The following SGCZ variants were observed in gnomAD, a reference collection of about 807,000 sequenced individuals.
The protein encoded by SGCZ is zeta-sarcoglycan.
SGCZ carries 40 observed loss-of-function variants against 41.3 expected under a neutral mutation model. That is an observed-to-expected ratio of 0.97 (90% confidence interval 0.75 to 1.26). The LOEUF (loss-of-function observed/expected upper bound fraction) is 1.26, where lower values mean the gene tolerates loss of function less well. Ranked by LOEUF, SGCZ falls within the 50% of genes most tolerant of loss-of-function variation. The pLI is 0.00. For missense variants in SGCZ, 552 were observed against 369.8 expected (o/e 1.49, Z -4.04); for synonymous variants, 206 against 137.5 (o/e 1.50, Z -3.49).
At chr8:15,003,795 A>G (rs1016750326) in intron 1 of SGCZ, among the ~76,000 whole-genome samples, 14 of 152,172 alleles carry the variant, frequency 9.2e-5, no homozygotes, top group Non-Finnish European at 1.6e-4. Flanking sequence ...CTTCATGCCC[A>G]GGCCCAGTGA....
chr8:14,953,791 T>C (rs144356734), intron 1 of SGCZ, among the ~76,000 whole-genome samples: 1 of 152,308 alleles, frequency 6.6e-6, no homozygotes, highest in African/African-American at 2.4e-5. Flanking sequence ...CAATAGTACT[T>C]GATACAAAAT....
At chr8:14,932,491 G>C (rs1022825170) in intron 1 of SGCZ, among the ~76,000 whole-genome samples, 2 of 152,044 alleles carry the variant, frequency 1.3e-5, no homozygotes, top group South Asian at 4.1e-4. Context: ...AAAGAATTTG[G>C]TACTTCAAAT....
At position 14,433,383 on chromosome 8, in the gene SGCZ, C is replaced by A. The variant is rs1167553293; in HGVS notation, c.235-109179G>T. Among the ~76,000 whole-genome samples the A allele has an allele frequency of 3.3e-5, 5 of 152,266 alleles. No homozygotes were observed. The East Asian group carries it at 7.7e-4, about 24-fold the overall frequency. On this transcript the variant is annotated intron_variant, in intron 2 of 7. Transcript: ENST00000382080. Reference sequence around the variant, plus strand: ...AAGATACTTTGCCTTTCAGTAGGAACCACCACAATGAATTGTTTATTGCAA... The same window carrying A: ...AAGATACTTTGCCTTTCAGTAGGAAACACCACAATGAATTGTTTATTGCAA...
intron 1 of SGCZ, among the ~76,000 whole-genome samples, chr8:15,139,036 T>C (rs1426798281): frequency 6.6e-6 from 1 of 152,222 alleles, no homozygotes; most frequent in Non-Finnish European, 1.5e-5. Flanking sequence ...AGTTAAGTAC[T>C]TTGGTCTTTA....
chr8:14,443,352 AG>A (rs1475865255), intron 2 of SGCZ, among the ~76,000 whole-genome samples: 2 of 152,320 alleles, frequency 1.3e-5, no homozygotes, highest in East Asian at 3.9e-4. Context: ...CGCATCGCCA[AG>A]TCAATCCTAA....
intron 1 of SGCZ, among the ~76,000 whole-genome samples, chr8:14,880,547 G>C (rs150786732): frequency 0.049 from 7,523 of 152,168 alleles, 223 homozygotes; most frequent in Non-Finnish European, 0.061. Context: ...AGACTTGGAA[G>C]CAACCCAAAT....
chr8:14,478,536 G>C (rs1376104780), intron 2 of SGCZ, among the ~76,000 whole-genome samples: 1 of 152,198 alleles, frequency 6.6e-6, no homozygotes, highest in Non-Finnish European at 1.5e-5. Context: ...ATGGGGGACA[G>C]AGGGATGAGT....
chr8:14,472,666 C>T (rs1355577973), intron 2 of SGCZ, among the ~76,000 whole-genome samples: 1 of 152,038 alleles, frequency 6.6e-6, no homozygotes, highest in African/African-American at 2.4e-5. Context: ...TCTCAAAAGG[C>T]AACATGTATT....
intron 1 of SGCZ, among the ~76,000 whole-genome samples, chr8:14,664,482 A>C (rs1807845379): frequency 6.6e-6 from 1 of 152,200 alleles, no homozygotes; most frequent in African/African-American, 2.4e-5. Flanking sequence ...CAGAGTATAT[A>C]GGAATAGAAA....
chr8:14,804,065 G>A (rs28783462), intron 1 of SGCZ, among the ~76,000 whole-genome samples: 5,833 of 110,742 alleles, frequency 0.053, 274 homozygotes, highest in East Asian at 0.15. Context: ...CATCCACACC[G>A]AAAACCCATC....
At chr8:14,602,547 T>C (rs1476982701) in intron 1 of SGCZ, among the ~76,000 whole-genome samples, 1 of 152,124 alleles carries the variant, frequency 6.6e-6, no homozygotes, top group Non-Finnish European at 1.5e-5. Context: ...ATTAATTAAA[T>C]TAATTTTAAA....
chr8:14,587,949 T>C (rs1454027518), intron 1 of SGCZ, among the ~76,000 whole-genome samples: 1 of 152,158 alleles, frequency 6.6e-6, no homozygotes, highest in Non-Finnish European at 1.5e-5. Flanking sequence ...TTTTATAGAA[T>C]ACTTCATGGG....
chr8:15,214,691 T>A (rs1427181323), intron 1 of SGCZ, among the ~76,000 whole-genome samples: 1 of 152,166 alleles, frequency 6.6e-6, no homozygotes, highest in African/African-American at 2.4e-5. Flanking sequence ...GGGAGGCATA[T>A]TCCTCACAGA....
chr8:14,383,952 C>CT (rs1227437411), intron 2 of SGCZ, among the ~76,000 whole-genome samples: 5 of 151,086 alleles, frequency 3.3e-5, no homozygotes, highest in South Asian at 2.1e-4. Flanking sequence ...TTTGAATTTT[C>CT]TTTTTTTTCT....
chr8:14,625,475 T>C (rs957325026), intron 1 of SGCZ, among the ~76,000 whole-genome samples: 7 of 152,216 alleles, frequency 4.6e-5, no homozygotes, highest in Non-Finnish European at 1.0e-4. Flanking sequence ...TACTCTCCTA[T>C]GAGCATTACA....
At chr8:14,258,212 G>A (rs1563217608) in intron 3 of SGCZ, among the ~76,000 whole-genome samples, 1 of 148,796 alleles carries the variant, frequency 6.7e-6, no homozygotes, top group African/African-American at 2.4e-5. Flanking sequence ...AAAATTCTGT[G>A]TTTCCCCCAT....
chr8:14,490,730 AAC>A (rs1371402496), intron 2 of SGCZ, among the ~76,000 whole-genome samples: 1 of 152,216 alleles, frequency 6.6e-6, no homozygotes, highest in Non-Finnish European at 1.5e-5. Flanking sequence ...CAGAAATGCA[AAC>A]ATACCACTAA....
intron 2 of SGCZ, among the ~76,000 whole-genome samples, chr8:14,543,402 G>A (rs935032175): frequency 6.6e-6 from 1 of 150,662 alleles, no homozygotes; most frequent in Non-Finnish European, 1.5e-5. Context: ...TTAAAACACA[G>A]TTTGCCCTTC....
rs529170849 is a variant in SGCZ at position 14,321,263 on chromosome 8, T to A, written c.336+2840A>T. Among the ~76,000 whole-genome samples, 361 of 152,156 alleles carry A rather than the reference T, an allele frequency of 2.4e-3. 2 individuals carry two copies. The highest frequency in any genetic ancestry group is 8.3e-3 in the African/African-American group (345 of 41,522). On this transcript the variant is annotated intron_variant, in intron 3 of 7. Transcript: ENST00000382080. ...TCTAAGATATTTCCTGGATACACTA[T>A]GATATGTTTTTCTGTTTACTTTTTT...
Sources: allele counts gnomAD v4.1 joint callset (sites outside exome capture counted in the v4.1 genomes callset), GRCh38; gene constraint gnomAD v4.1.1; transcripts MANE v1.5; gene names NCBI Gene and HGNC (gene_info 2026-07-23, HGNC 2026-07-21).